Variants in LHFPL2 observed in about 807,000 individuals in gnomAD.
LHFPL2 encodes the protein LHFPL tetraspan subfamily member 2 protein.
LHFPL2 carries 7 observed loss-of-function variants against 17.5 expected under a neutral mutation model. The observed-to-expected ratio is 0.40, with a 90% CI of 0.23 to 0.75. The LOEUF (loss-of-function observed/expected upper bound fraction) is 0.75, where lower values mean the gene tolerates loss of function less well. LHFPL2 is among the 30% of genes least tolerant of loss of function. LHFPL2 has a pLI of 0.37. For missense variants in LHFPL2, 241 were observed against 294.8 expected (o/e 0.82, Z 1.34); for synonymous variants, 134 against 116.2 (o/e 1.15, Z -0.99).
At chr5:78,530,042 C>T (rs1313098860) in intron 3 of LHFPL2, among the ~76,000 whole-genome samples, 2 of 152,166 alleles carry the variant, frequency 1.3e-5, no homozygotes, top group Non-Finnish European at 2.9e-5. Flanking sequence ...GAAGATTGGG[C>T]AAATGCCATT....
In LHFPL2 at chr5:78,570,634, G is replaced by GTATA. The variant is rs147435933; in HGVS notation, c.-244-5767_-244-5764dup. Among the ~76,000 whole-genome samples the GTATA allele has an allele frequency of 8.4e-3, 1,222 of 145,356 alleles. 21 individuals are homozygous for GTATA. Among genetic ancestry groups the GTATA allele is most frequent in the African/African-American group, 0.029 (1,137 of 39,476 alleles). Reference sequence around the variant, plus strand: ...GAATATATATATACGTATATATATAGTATATATATATATACGTATATATAT... The same window carrying GTATA: ...GAATATATATATACGTATATATATAGTATATATATATATATATACGTATATATAT... On this transcript the variant is annotated intron_variant, in intron 2 of 4. Transcript: ENST00000380345.
At chr5:78,492,668 A>G (rs544940111) in intron 4 of LHFPL2, among the ~76,000 whole-genome samples, 15 of 152,318 alleles carry the variant, frequency 9.8e-5, no homozygotes, top group African/African-American at 3.6e-4. Context: ...GAATAAGTAA[A>G]GCAGGGAGAC....
At chr5:78,625,772 A>G (rs1745011791) in intron 2 of LHFPL2, 1 of 152,234 alleles carries the variant, frequency 6.6e-6, no homozygotes, top group South Asian at 2.1e-4. Context: ...CACCAAAGGT[A>G]TGAAGGTGAA....
intron 2 of LHFPL2, among the ~76,000 whole-genome samples, chr5:78,606,760 C>T (rs1010932354): frequency 7.2e-5 from 11 of 151,860 alleles, no homozygotes; most frequent in African/African-American, 2.4e-4. Context: ...CTGCAACCTC[C>T]ACCTCCCAGG....
At chr5:78,568,517 T>C (rs544396558) in intron 2 of LHFPL2, among the ~76,000 whole-genome samples, 1 of 152,290 alleles carries the variant, frequency 6.6e-6, no homozygotes, top group South Asian at 2.1e-4. Context: ...CTTTTATCAG[T>C]TACAGATTGC....
intron 2 of LHFPL2, among the ~76,000 whole-genome samples, chr5:78,607,048 A>G (rs1234403247): frequency 6.6e-6 from 1 of 152,130 alleles, no homozygotes; most frequent in Non-Finnish European, 1.5e-5. Context: ...ACAAGACAAC[A>G]TCCCCAACAT....
intron 2 of LHFPL2, among the ~76,000 whole-genome samples, chr5:78,589,450 C>A (rs1580837858): frequency 7.2e-6 from 1 of 138,204 alleles, no homozygotes; most frequent in Admixed American, 7.5e-5. Flanking sequence ...AGTCTGGCAA[C>A]AGGGTTAACT....
intron 3 of LHFPL2, among the ~76,000 whole-genome samples, chr5:78,526,811 C>G (rs1285920799): frequency 6.6e-6 from 1 of 152,162 alleles, no homozygotes; most frequent in Non-Finnish European, 1.5e-5. Flanking sequence ...CCATTCTTTC[C>G]TGAAGGCTAC....
intron 2 of LHFPL2, among the ~76,000 whole-genome samples, chr5:78,604,231 A>G (rs1471968378): frequency 6.6e-6 from 1 of 152,214 alleles, no homozygotes; most frequent in African/African-American, 2.4e-5. Context: ...TAATCCCAGC[A>G]CTTTGGGAGG....
At chr5:78,508,414 TG>T (rs1755000738) in intron 4 of LHFPL2, among the ~76,000 whole-genome samples, 1 of 152,188 alleles carries the variant, frequency 6.6e-6, no homozygotes, top group Non-Finnish European at 1.5e-5. Context: ...GCCTGGTGTC[TG>T]GATGGTGTAT....
intron 2 of LHFPL2, among the ~76,000 whole-genome samples, chr5:78,569,690 T>C (rs1265732964): frequency 6.6e-6 from 1 of 152,152 alleles, no homozygotes; most frequent in Non-Finnish European, 1.5e-5. Flanking sequence ...AAGGCTGGAC[T>C]GTGTTAAACG....
At chr5:78,511,002 T>C in intron 3 of LHFPL2, among the ~76,000 whole-genome samples, 1 of 152,076 alleles carries the variant, frequency 6.6e-6, no homozygotes, top group East Asian at 1.9e-4. Context: ...AAGAATCACA[T>C]GTAAAAGAAT....
chr5:78,522,042 A>T (rs961456230), intron 3 of LHFPL2, among the ~76,000 whole-genome samples: 5 of 152,124 alleles, frequency 3.3e-5, no homozygotes, highest in Non-Finnish European at 5.9e-5. Flanking sequence ...TGCAAAAATA[A>T]TTTTTCCCAG....
At chr5:78,643,727 C>T (rs1459603661) in intron 1 of LHFPL2, among the ~76,000 whole-genome samples, 2 of 152,190 alleles carry the variant, frequency 1.3e-5, no homozygotes, top group East Asian at 1.9e-4. Flanking sequence ...TGCCAGTTTA[C>T]AAGCCCCATA....
intron 3 of LHFPL2, among the ~76,000 whole-genome samples, chr5:78,516,048 C>T (rs982519842): frequency 1.3e-5 from 2 of 151,934 alleles, no homozygotes; most frequent in African/African-American, 4.8e-5. Flanking sequence ...CTTCAGAAGA[C>T]AAAAGGAGCC....
chr5:78,540,045 G>C (rs1756064324), intron 3 of LHFPL2, among the ~76,000 whole-genome samples: 1 of 152,150 alleles, frequency 6.6e-6, no homozygotes, highest in African/African-American at 2.4e-5. Flanking sequence ...CTGGCAGAGT[G>C]TGTTACCAAT....
At chr5:78,600,131 C>T (rs1457088643) in intron 2 of LHFPL2, among the ~76,000 whole-genome samples, 3 of 151,918 alleles carry the variant, frequency 2.0e-5, no homozygotes, top group Non-Finnish European at 4.4e-5. Flanking sequence ...GATAGCATTC[C>T]ACCTACTAAG....
intron 4 of LHFPL2, among the ~76,000 whole-genome samples, chr5:78,489,683 G>A (rs1040530471): frequency 2.0e-5 from 3 of 152,178 alleles, no homozygotes; most frequent in Admixed American, 6.5e-5. Flanking sequence ...TTGTTACTAT[G>A]TATTCCCACA....
intron 3 of LHFPL2, among the ~76,000 whole-genome samples, chr5:78,563,692 C>T (rs1756789574): frequency 2.8e-5 from 4 of 144,206 alleles, no homozygotes; most frequent in African/African-American, 1.1e-4. Flanking sequence ...TAGAGCCAGA[C>T]TCCACTTCAA....
Sources: allele counts gnomAD v4.1 joint callset (sites outside exome capture counted in the v4.1 genomes callset), GRCh38; gene constraint gnomAD v4.1.1; transcripts MANE v1.5; gene names NCBI Gene and HGNC (gene_info 2026-07-23, HGNC 2026-07-21).